ENKUR: variants seen among roughly 807,000 people sequenced by gnomAD.
The protein encoded by ENKUR is enkurin.
A neutral mutation model predicts 27.6 loss-of-function variants in ENKUR; 19 were observed. That is an observed-to-expected ratio of 0.69 (90% CI 0.48 to 1.01). The LOEUF (loss-of-function observed/expected upper bound fraction) is 1.01, where lower values mean the gene tolerates loss of function less well. ENKUR is among the 50% of genes least tolerant of loss of function. The pLI, the probability that ENKUR is intolerant of heterozygous loss-of-function variation, is 0.00. For synonymous variants in ENKUR, 117 were observed against 96.9 expected (o/e 1.21, Z -1.22); for missense variants, 312 against 310.5 (o/e 1.00, Z -0.04).
At chr10:24,987,837 T>A (rs944180079) in intron 4 of ENKUR, among the ~76,000 whole-genome samples, 4 of 152,124 alleles carry the variant, frequency 2.6e-5, no homozygotes, top group Non-Finnish European at 5.9e-5. Context: ...CACTGAGGAC[T>A]GTGTTTATTT....
upstream of ENKUR, among the ~76,000 whole-genome samples, chr10:25,019,182 T>A (rs2132744103): frequency 6.6e-6 from 1 of 152,336 alleles, no homozygotes. Context: ...GAAAATATTT[T>A]AAAATTTTAG....
intron 3 of ENKUR, among the ~76,000 whole-genome samples, chr10:24,993,176 TA>T (rs1178492742): frequency 6.6e-6 from 1 of 152,108 alleles, no homozygotes; most frequent in African/African-American, 2.4e-5. Context: ...AATGGTGTGA[TA>T]CAGTTCAGAA....
At chr10:25,017,344 A>G (rs1035831074), upstream of ENKUR, among the ~76,000 whole-genome samples, 2 of 152,126 alleles carry the variant, frequency 1.3e-5, no homozygotes, top group African/African-American at 4.8e-5. Context: ...GAGTGTTTAA[A>G]AGACATTTTG....
chr10:25,051,548 G>A (rs569398666), intron 2 of ENKUR, among the ~76,000 whole-genome samples: 1 of 152,212 alleles, frequency 6.6e-6, no homozygotes, highest in South Asian at 2.1e-4. Context: ...CAGGAGCAAG[G>A]GACAGGAGAG....
chr10:24,997,977 A>T (rs150704028), intron 2 of ENKUR, among the ~76,000 whole-genome samples: 171 of 152,280 alleles, frequency 1.1e-3, no homozygotes, highest in Non-Finnish European at 2.0e-3. Flanking sequence ...GCTGGGTCAC[A>T]ACAGGCCAAG....
chr10:24,990,372 G>A (rs1259255992), intron 4 of ENKUR, 91 bp downstream of exon 4: 5 of 1,471,244 alleles, frequency 3.4e-6, no homozygotes, highest in Non-Finnish European at 4.6e-6. Context: ...CAAAATCCAA[G>A]TGCTGACTTT....
chr10:24,991,458 C>T (rs1849926366), intron 3 of ENKUR, among the ~76,000 whole-genome samples: 1 of 151,564 alleles, frequency 6.6e-6, no homozygotes, highest in Non-Finnish European at 1.5e-5. Flanking sequence ...GAGAGGAACA[C>T]ATCAATGGAA....
intron 2 of ENKUR, among the ~76,000 whole-genome samples, chr10:25,056,002 A>C (rs1255263223): frequency 6.6e-6 from 1 of 152,166 alleles, no homozygotes; most frequent in Non-Finnish European, 1.5e-5. Flanking sequence ...TATCATTGTC[A>C]TGATCATCAC....
intron 2 of ENKUR, among the ~76,000 whole-genome samples, chr10:25,040,592 G>A (rs1182617792): frequency 6.6e-6 from 1 of 151,892 alleles, no homozygotes; most frequent in Non-Finnish European, 1.5e-5. Context: ...GGATGGTCTC[G>A]ATCTCCTGAC....
At chr10:25,025,515 C>T in intron 2 of ENKUR, 5 of 1,479,240 alleles carry the variant, frequency 3.4e-6, no homozygotes, top group Non-Finnish European at 4.6e-6. Context: ...ATCTCAAACA[C>T]TGATTTGGAG....
chr10:25,056,686 C>T (rs1341213867), intron 2 of ENKUR, among the ~76,000 whole-genome samples: 1 of 152,212 alleles, frequency 6.6e-6, no homozygotes. Flanking sequence ...GAGTAAAAGA[C>T]TGCAAGACAT....
In ENKUR at chr10:24,984,317, T is replaced by A; in HGVS notation, c.*53A>T. The A allele has an allele frequency of 6.3e-7, 1 of 1,583,866 alleles. No individual in the cohort carries two copies. On this transcript the variant is annotated 3_prime_UTR_variant, in exon 6 of 6. Transcript: ENST00000331161. Reference sequence around the variant, plus strand: ...GTTTAGAGTAGCAAGAAGGCACGTGTTACTATTTCCAGTTCAAAATACTTA... The same window carrying A: ...GTTTAGAGTAGCAAGAAGGCACGTGATACTATTTCCAGTTCAAAATACTTA...
At chr10:25,004,607 C>A (rs1425839401) in intron 1 of ENKUR, among the ~76,000 whole-genome samples, 1 of 152,002 alleles carries the variant, frequency 6.6e-6, no homozygotes, top group African/African-American at 2.4e-5. Context: ...TTTTTAATAG[C>A]ATTATTTGTT....
At chr10:25,008,529 G>A (rs575074168) in intron 1 of ENKUR, among the ~76,000 whole-genome samples, 1 of 152,320 alleles carries the variant, frequency 6.6e-6, no homozygotes, top group East Asian at 1.9e-4. Flanking sequence ...GAATAAAGCA[G>A]AAAGTAGTCC....
chr10:24,987,594 T>G (rs540314395), intron 4 of ENKUR, among the ~76,000 whole-genome samples: 1 of 152,092 alleles, frequency 6.6e-6, no homozygotes, highest in African/African-American at 2.4e-5. Context: ...CTCAAATAAA[T>G]ACATAAAATA....
chr10:25,025,212 A>T, intron 2 of ENKUR: 2 of 1,614,082 alleles, frequency 1.2e-6, no homozygotes, highest in South Asian at 2.2e-5. Flanking sequence ...TGATTATCTC[A>T]TCTACAGCCC....
At position 25,007,485 on chromosome 10, in the gene ENKUR, A is replaced by T. The variant is rs184963298; in HGVS notation, c.78-7939T>A. Among the ~76,000 whole-genome samples the T allele has an allele frequency of 3.5e-4, 54 of 152,244 alleles. No homozygotes were observed. The East Asian group carries it at 8.9e-3, about 25-fold the overall frequency. ...AGTCTCGCACTTTCACCCAGGCTGG[A>T]GTGCAGAGGCGCCATCTCGGCTCAC... On this transcript the variant is annotated intron_variant, in intron 1 of 5. Coordinates refer to ENST00000331161, the MANE Select transcript of ENKUR (RefSeq NM_145010.4).
Position 25,005,481 on chromosome 10 carries a change from G to A in ENKUR, c.78-5935C>T, listed in dbSNP as rs141379162. Among the ~76,000 whole-genome samples, 42 of 152,066 alleles carry A rather than the reference G, an allele frequency of 2.8e-4. No individual in the cohort carries two copies. In the East Asian group the frequency reaches 7.4e-3, roughly 27 times the overall value. On this transcript the variant is annotated intron_variant, in intron 1 of 5. Transcript: ENST00000331161. Reference sequence around the variant, plus strand: ...AATTGAGATTTTTTTTTCCTCTAATGGGCAAAATAGGCATCAAGGATTAAC... The same window carrying A: ...AATTGAGATTTTTTTTTCCTCTAATAGGCAAAATAGGCATCAAGGATTAAC...
chr10:25,024,319 A>T (rs1850794821), intron 2 of ENKUR: 1 of 1,614,104 alleles, frequency 6.2e-7, no homozygotes, highest in African/African-American at 1.3e-5. Flanking sequence ...TGCACACTGT[A>T]TCCCACCAAG....
Sources: allele counts gnomAD v4.1 joint callset (sites outside exome capture counted in the v4.1 genomes callset), GRCh38; gene constraint gnomAD v4.1.1; transcripts MANE v1.5; gene names NCBI Gene and HGNC (gene_info 2026-07-23, HGNC 2026-07-21).